The following GPC4 variants were observed in gnomAD, a reference collection of about 807,000 sequenced individuals.
GPC4 encodes glypican 4.
In GPC4, 10 loss-of-function variants were observed where a neutral mutation model predicts 35.0. The ratio of observed to expected loss-of-function variants is 0.29; its 90% CI spans 0.18 to 0.48. The LOEUF (loss-of-function observed/expected upper bound fraction) is 0.48. GPC4 is among the 20% of genes least tolerant of loss of function. The pLI, the probability that GPC4 is intolerant of heterozygous loss-of-function variation, is 0.99. For missense variants in GPC4, 322 were observed against 451.3 expected, an observed-to-expected ratio of 0.71 and a Z score of 2.60; for synonymous variants, 167 against 170.2, an observed-to-expected ratio of 0.98 and a Z score of 0.15.
intron 4 of GPC4, among the ~76,000 whole-genome samples, chrX:133,310,172 C>A (rs906666611): frequency 9.0e-6 from 1 of 111,262 alleles, no homozygotes; most frequent in African/African-American, 3.3e-5. Context: ...TAACACCCCT[C>A]ACCTCCCCCC....
chrX:133,305,569 T>C (rs1057081216), intron 6 of GPC4, among the ~76,000 whole-genome samples: 1 of 111,946 alleles, frequency 8.9e-6, no homozygotes, highest in Non-Finnish European at 1.9e-5. Flanking sequence ...ACAAGACTTA[T>C]TGCATCATAA....
intron 1 of GPC4, among the ~76,000 whole-genome samples, chrX:133,366,832 TG>T (rs1313622943): frequency 8.9e-6 from 1 of 112,071 alleles, no homozygotes; most frequent in Non-Finnish European, 1.9e-5. Flanking sequence ...AAAGTACCTC[TG>T]ATTGGTTGCT....
intron 3 of GPC4, among the ~76,000 whole-genome samples, chrX:133,323,435 C>A (rs1223624887): frequency 8.9e-6 from 1 of 111,959 alleles, no homozygotes; most frequent in African/African-American, 3.2e-5. Context: ...GAGCCGAGAT[C>A]CTGCCACTGC....
In GPC4 at chrX:133,404,866, A is replaced by AAAAAAAAAAAAAAAG. The variant is rs753375530; in HGVS notation, c.160+9939_160+9940insCTTTTTTTTTTTTTT. On this transcript the variant is annotated intron_variant, in intron 1 of 8. Transcript: ENST00000370828. The stretch of plus-strand genomic sequence containing the variant: ...GACCCTGTCTCAAAAAAAAAAAAAA[A>AAAAAAAAAAAAAAAG]AAGGTGCAGAGGAACAAAATCATAA... Among the ~76,000 whole-genome samples the AAAAAAAAAAAAAAAG allele has an allele frequency of 3.7e-4, 33 of 89,263 alleles. 4 individuals carry two copies. The highest frequency in any genetic ancestry group is 1.5e-3 in the African/African-American group (29 of 19,221). The allele number at this position is 89,263 out of a possible 115,157, so 77.5% of individuals were successfully genotyped here. A position where few individuals can be genotyped will look rare whatever the true frequency, so the allele number is the denominator to read the frequency against.
intron 2 of GPC4, among the ~76,000 whole-genome samples, chrX:133,325,269 T>G (rs780807614): frequency 1.3e-4 from 14 of 109,973 alleles, no homozygotes; most frequent in Non-Finnish European, 2.3e-4. Flanking sequence ...TGATAGTGTG[T>G]GTGTGAGTGT....
chrX:133,379,749 C>G (rs899492373), intron 1 of GPC4, among the ~76,000 whole-genome samples: 2 of 111,094 alleles, frequency 1.8e-5, no homozygotes, highest in African/African-American at 6.6e-5. Flanking sequence ...CCATAAAAAT[C>G]ACAATGCTGG....
rs1297289741 is a variant in GPC4, at chrX:133,324,315, G to T, written c.541C>A (p.His181Asn). ...RMFRLVNSQY[H>N]FTDEYLECVS... ...CATTCCAGATACTCATCTGTAAAGT[G>T]GTACTGGGAGTTCACCAGGCGGAAC... The change falls in exon 3 of 9, where the codon CAC (histidine) becomes AAC (asparagine). Residue 181 changes from histidine (H) to asparagine (N), a missense_variant. His to Asn is a moderately conservative substitution (Grantham distance 68). Coordinates refer to ENST00000370828, the MANE Select transcript of GPC4 (RefSeq NM_001448.3). 17 of 1,211,528 alleles carry T rather than the reference G, an allele frequency of 1.4e-5. No individual in the cohort carries two copies. The highest frequency in any genetic ancestry group is 1.7e-5 in the Non-Finnish European group (15 of 895,399).
intron 1 of GPC4, among the ~76,000 whole-genome samples, chrX:133,377,894 T>C (rs2068642301): frequency 2.0e-5 from 2 of 101,408 alleles, no homozygotes; most frequent in African/African-American, 3.6e-5. Context: ...TTTTTCTTTT[T>C]TTTTTTTTTT....
chrX:133,378,391 C>A (rs1416032764), intron 1 of GPC4, among the ~76,000 whole-genome samples: 4 of 108,523 alleles, frequency 3.7e-5, no homozygotes, highest in Non-Finnish European at 7.6e-5. Flanking sequence ...CACGGTGAAA[C>A]CCCATCTCTA....
intron 1 of GPC4, among the ~76,000 whole-genome samples, chrX:133,357,625 C>T (rs2068547717): frequency 1.8e-5 from 2 of 109,737 alleles, no homozygotes; most frequent in African/African-American, 3.3e-5. Flanking sequence ...ACCTCAAGCA[C>T]GAGCCACCTC....
At chrX:133,331,757 T>TAAA (rs10685878) in intron 2 of GPC4, among the ~76,000 whole-genome samples, 105 of 92,809 alleles carry the variant, frequency 1.1e-3, no homozygotes, top group African/African-American at 3.1e-3. Flanking sequence ...TGAGACTGTC[T>TAAA]AAAAAAAAAA....
intron 1 of GPC4, among the ~76,000 whole-genome samples, chrX:133,391,418 G>A (rs1164968994): frequency 8.9e-6 from 1 of 112,128 alleles, no homozygotes; most frequent in Non-Finnish European, 1.9e-5. Flanking sequence ...AACCAGGACT[G>A]GGATAGAACA....
intron 1 of GPC4, among the ~76,000 whole-genome samples, chrX:133,372,224 T>TA (rs372391787): frequency 2.5e-3 from 206 of 82,489 alleles, no homozygotes; most frequent in Middle Eastern, 0.019. Flanking sequence ...ACTCCGTCTT[T>TA]AAAAAAAAAA....
chrX:133,395,853 GA>G (rs754176818), intron 1 of GPC4, among the ~76,000 whole-genome samples: 7 of 109,900 alleles, frequency 6.4e-5, no homozygotes, highest in East Asian at 2.8e-4. Flanking sequence ...TGTTCTTAAT[GA>G]AAAAAAATCA....
intron 4 of GPC4, among the ~76,000 whole-genome samples, chrX:133,310,539 T>C (rs2068310319): frequency 9.0e-6 from 1 of 111,513 alleles, no homozygotes; most frequent in East Asian, 2.8e-4. Context: ...GTGGAATATA[T>C]ATGCAGGAAT....
chrX:133,316,843 T>C (rs1339722873), intron 3 of GPC4, among the ~76,000 whole-genome samples: 1 of 112,153 alleles, frequency 8.9e-6, no homozygotes, highest in Non-Finnish European at 1.9e-5. Flanking sequence ...AAAGTTCACT[T>C]GAACAAAACC....
intron 2 of GPC4, among the ~76,000 whole-genome samples, chrX:133,337,876 G>A (rs138945501): frequency 5.5e-5 from 6 of 110,083 alleles, no homozygotes; most frequent in South Asian, 3.9e-4. Flanking sequence ...ATATGTAGGG[G>A]GATATGGGTA....
intron 2 of GPC4, among the ~76,000 whole-genome samples, chrX:133,326,546 G>A (rs1171694846): frequency 9.0e-6 from 1 of 111,639 alleles, no homozygotes; most frequent in Non-Finnish European, 1.9e-5. Flanking sequence ...AAAATTTTCA[G>A]CTATCTGTGA....
chrX:133,368,290 A>C (rs775374912), intron 1 of GPC4, among the ~76,000 whole-genome samples: 1 of 111,817 alleles, frequency 8.9e-6, no homozygotes, highest in African/African-American at 3.2e-5. Flanking sequence ...CAGCATATGA[A>C]GTTTTACTTT....
Sources: gnomAD v4.1 joint callset for allele counts (sites outside exome capture counted in the v4.1 genomes callset) on GRCh38, gnomAD v4.1.1 for gene constraint, MANE v1.5 for transcripts, NCBI Gene and HGNC (gene_info 2026-07-23, HGNC 2026-07-21) for gene names.